Variants in SPX observed in about 807,000 individuals in gnomAD.
SPX encodes spexin.
SPX carries 22 observed loss-of-function variants against 19.2 expected under a neutral mutation model. The observed-to-expected ratio is 1.15, with a 90% CI of 0.82 to 1.64. SPX has a LOEUF of 1.64. Among genes scored for constraint, SPX ranks in the 40% most tolerant of loss-of-function variants. SPX has a pLI of 0.00. For missense variants in SPX, 143 were observed against 137.7 expected (o/e 1.04, Z -0.19); for synonymous variants, 50 against 53.3 (o/e 0.94, Z 0.27).
At chr12:21,527,849 C>G in intron 4 of SPX, 60 bp downstream of exon 4, 1 of 1,518,688 alleles carries the variant, frequency 6.6e-7, no homozygotes, top group South Asian at 1.2e-5. Context: ...ATGGGGCGGG[C>G]AGGGCTTGCT....
Position 21,529,017 on chromosome 12 carries a change from T to A in SPX, c.225T>A (p.Asn75Lys), listed in dbSNP as rs1337328076. 6.2e-7 allele frequency: 1 copy of A among 1,614,124 alleles called. No homozygotes were observed. The highest frequency in any genetic ancestry group is 1.1e-5 in the South Asian group (1 of 91,078). ...DRPLPERRSP[N>K]PQLLTIPEAA... ...TTTCTGCAGAAAGACGAAGCCCAAA[T>A]CCCCAACTACTAACTATTCCGGAGG... is the stretch of plus-strand genomic sequence containing the variant. The change falls in exon 5 of 6, where the codon AAT (asparagine) becomes AAA (lysine). Residue 75 changes from asparagine to lysine, a missense_variant. Transcript: ENST00000256969.
Position 21,527,873 on chromosome 12 carries a change from G to A in SPX, c.208+84G>A, listed in dbSNP as rs1943829926. The A allele has an allele frequency of 9.7e-6, 14 of 1,436,976 alleles. No homozygotes were observed. The South Asian group carries it at 1.5e-4, about 15-fold the overall frequency. The allele number at this position is 1,436,976 out of a possible 1,614,324, so 89.0% of individuals were successfully genotyped here. On this transcript the variant is annotated intron_variant, in intron 4 of 5. Coordinates refer to ENST00000256969, the MANE Select transcript of SPX (RefSeq NM_030572.4). ...GCAGGGCTTGCTCCGCGCTGGTGCC[G>A]AAAGAAAGCGTCTCCTCACCGGAAA... is the stretch of plus-strand genomic sequence containing the variant.
At position 21,526,962 on chromosome 12, in the gene SPX, C is replaced by T. The variant is rs1439221185; in HGVS notation, c.83C>T (p.Pro28Leu). Residue 28 changes from proline (P) to leucine (L), a missense_variant, in exon 2 of 6, where the codon CCG becomes CTG. Physicochemically the swap from Pro to Leu is moderately conservative, Grantham distance 98. Transcript: ENST00000256969. ...TTCCTGGGAAACTCCAGCTGCGCTC[C>T]GCAGGTAATCAAATGCAAAATAAAA... is the stretch of plus-strand genomic sequence containing the variant. Reference protein sequence around the residue: ...FVFLGNSSCAPQRLLERRNWT... With the variant: ...FVFLGNSSCALQRLLERRNWT... 15 of 1,613,932 alleles carry T rather than the reference C, an allele frequency of 9.3e-6. No individual in the cohort carries two copies. The highest frequency in any genetic ancestry group is 1.3e-5 in the Non-Finnish European group (15 of 1,179,918).
chr12:21,527,688 G>A, intron 3 of SPX, 39 bp from the exon 4 acceptor site: 1 of 1,550,662 alleles, frequency 6.4e-7, no homozygotes, highest in Non-Finnish European at 8.7e-7. Context: ...GGTTGTCCCG[G>A]GCCAGGCTGT....
At position 21,532,566 on chromosome 12, in the gene SPX, G is replaced by A. The variant is rs1489107024; in HGVS notation, c.*1371G>A. On this transcript the variant is annotated 3_prime_UTR_variant, in exon 6 of 6. Coordinates refer to ENST00000256969, the MANE Select transcript of SPX (RefSeq NM_030572.4). ...TTAATTATGATTTGATTTGAAAGTA[G>A]ACTTACTAGGTAGTGCTTACATCTG... 1 of 152,134 alleles carries A rather than the reference G, an allele frequency of 6.6e-6. No individual in the cohort carries two copies. The highest frequency in any genetic ancestry group is 1.9e-4 in the East Asian group (1 of 5,186). The allele number at this position is 152,134 out of a possible 1,614,324, so 9.4% of individuals were successfully genotyped here.
chr12:21,530,904 A>G (rs1369405353), intron 5 of SPX, among the ~76,000 whole-genome samples: 1 of 152,210 alleles, frequency 6.6e-6, no homozygotes, highest in African/African-American at 2.4e-5. Context: ...TTCAGTCATT[A>G]TAGAGGTTCA....
chr12:21,526,511 T>C (rs764975813), intron 1 of SPX, 33 bp downstream of exon 1: 2 of 1,581,522 alleles, frequency 1.3e-6, no homozygotes, highest in Non-Finnish European at 1.7e-6. Context: ...TGAGACTTCT[T>C]AGCTATTTTT....
At chr12:21,530,110 T>G (rs2136822765) in intron 5 of SPX, among the ~76,000 whole-genome samples, 1 of 152,314 alleles carries the variant, frequency 6.6e-6, no homozygotes, top group South Asian at 2.1e-4. Context: ...TTATTGAAGT[T>G]TTCTAAGTGG....
chr12:21,528,107 G>C, intron 4 of SPX: 1 of 342,284 alleles, frequency 2.9e-6, no homozygotes. Context: ...GCCAGGGTGT[G>C]CAGAGGTCCC....
chr12:21,531,501 C>T lies in SPX; in HGVS notation c.*306C>T, dbSNP rs1415975016. ...AGTGTTCTTTCCTTTTAACTATAGC[C>T]AGTACCTGTCTTGATCTTAGTTGTG... On this transcript the variant is annotated 3_prime_UTR_variant, in exon 6 of 6. Transcript: ENST00000256969. The T allele has an allele frequency of 5.1e-6, 1 of 194,466 alleles. No homozygotes were observed. Among genetic ancestry groups the T allele is most frequent in the African/African-American group, 2.5e-5 (1 of 40,416 alleles). 12.0% of individuals were successfully genotyped at this position (194,466 alleles called of 1,614,324 possible). A position where few individuals can be genotyped will look rare whatever the true frequency, so the allele number is the denominator to read the frequency against.
rs56157528 is a variant in SPX, at chr12:21,531,526, G to GTTT, written c.*338_*340dup. 0.23 allele frequency: 36,037 copies of GTTT among 157,832 alleles called. 4,361 individuals are homozygous for GTTT. The highest frequency in any genetic ancestry group is 0.32 in the Middle Eastern group (110 of 342). The allele number at this position is 157,832 out of a possible 1,614,324, so 9.8% of individuals were successfully genotyped here. ...CAGTACCTGTCTTGATCTTAGTTGT[G>GTTT]TTTTTTTTTCATTTTGTTACCCACT... On this transcript the variant is annotated 3_prime_UTR_variant, in exon 6 of 6. Coordinates refer to ENST00000256969, the MANE Select transcript of SPX (RefSeq NM_030572.4).
intron 1 of SPX, among the ~76,000 whole-genome samples, 191 bp from the exon 2 acceptor site, chr12:21,526,695 A>C (rs1020343702): frequency 1.4e-5 from 2 of 147,010 alleles, no homozygotes; most frequent in Non-Finnish European, 3.0e-5. Context: ...ATATGTTTCT[A>C]AATACGTTTT....
In SPX at chr12:21,529,088, C is replaced by T; in HGVS notation, c.292+4C>T. The T allele has an allele frequency of 6.2e-7, 1 of 1,612,174 alleles. No homozygotes were observed. Among genetic ancestry groups the T allele is most frequent in the South Asian group, 1.1e-5 (1 of 91,040 alleles). On this transcript the variant is annotated splice_donor_region_variant and intron_variant, in intron 5 of 5. Transcript: ENST00000256969. ...TCCCTTCAGAAATCACCAGAAGGTA[C>T]TAGCATAGTGGCCTCTTTCACCTGC... is the stretch of plus-strand genomic sequence containing the variant.
chr12:21,529,602 G>C lies in SPX; in HGVS notation c.292+518G>C, dbSNP rs562109427. On this transcript the variant is annotated intron_variant, in intron 5 of 5. Coordinates refer to ENST00000256969, the MANE Select transcript of SPX (RefSeq NM_030572.4). ...TGGTTAGTAAGAATACAGAACTCAGGGGACATTAAACAGTGTGTCACAGGA... is the reference window on the plus strand; with the variant it reads ...TGGTTAGTAAGAATACAGAACTCAGCGGACATTAAACAGTGTGTCACAGGA... Among the ~76,000 whole-genome samples, 13 of 152,240 alleles carry C rather than the reference G, an allele frequency of 8.5e-5. No individual in the cohort carries two copies. In the South Asian group the frequency reaches 2.7e-3, roughly 32 times the overall value.
intron 3 of SPX, 114 bp from the exon 4 acceptor site, chr12:21,527,613 G>C: frequency 9.2e-7 from 1 of 1,085,156 alleles, no homozygotes; most frequent in South Asian, 1.4e-5. Flanking sequence ...CTATCCTGGA[G>C]CAACCTGCCC....
chr12:21,529,118 C>G (rs1303778539), intron 5 of SPX, 34 bp downstream of exon 5: 6 of 1,580,726 alleles, frequency 3.8e-6, no homozygotes, highest in South Asian at 2.2e-5. Context: ...ACCTGCATAA[C>G]AGAACAGCTT....
At position 21,526,919 on chromosome 12, in the gene SPX, C is replaced by CT. The variant is rs1009344463; in HGVS notation, c.44dup (p.Leu16ProfsTer84). On this transcript the variant is annotated frameshift_variant, in exon 2 of 6. Transcript: ENST00000256969. LOFTEE classifies it high-confidence loss of function. ...AAGTCTGGCAGCAACAACCTTGGCT[C>CT]TTTTCCTGGTGTTTGTTTTCCTGGG... is the stretch of plus-strand genomic sequence containing the variant. 2 of 1,614,238 alleles carry CT rather than the reference C, an allele frequency of 1.2e-6. No individual in the cohort carries two copies. Among genetic ancestry groups the CT allele is most frequent in the African/African-American group, 1.3e-5 (1 of 75,076 alleles).
intron 5 of SPX, 28 bp downstream of exon 5, chr12:21,529,112 G>C: frequency 6.3e-7 from 1 of 1,587,086 alleles, no homozygotes; most frequent in Non-Finnish European, 8.7e-7. Flanking sequence ...TCTTTCACCT[G>C]CATAACAGAA....
At chr12:21,528,916 C>G (rs1327456776) in intron 4 of SPX, 85 bp from the exon 5 acceptor site, 13 of 1,214,708 alleles carry the variant, frequency 1.1e-5, no homozygotes, top group Admixed American at 8.8e-5. Flanking sequence ...AGAGGTTTTT[C>G]TAGTATTGCT....
Sources: allele counts gnomAD v4.1 joint callset (sites outside exome capture counted in the v4.1 genomes callset), GRCh38; gene constraint gnomAD v4.1.1; transcripts MANE v1.5; gene names NCBI Gene and HGNC (gene_info 2026-07-23, HGNC 2026-07-21).